The following L3MBTL4 variants were observed in gnomAD, a reference collection of about 807,000 sequenced individuals.
L3MBTL4 encodes lethal(3)malignant brain tumor-like protein 4.
In L3MBTL4, 70 loss-of-function variants were observed where a neutral mutation model predicts 84.5. The ratio of observed to expected loss-of-function variants is 0.83; its 90% CI spans 0.68 to 1.01. The LOEUF (loss-of-function observed/expected upper bound fraction) is 1.01, where lower values mean the gene tolerates loss of function less well. Among genes scored for constraint, L3MBTL4 ranks in the 50% least tolerant of loss-of-function variants. The pLI is 0.00. For missense variants in L3MBTL4, 715 were observed against 754.8 expected (o/e 0.95, Z 0.62); for synonymous variants, 274 against 259.8 (o/e 1.05, Z -0.52).
chr18:6,323,282 G>A (rs1205849462), intron 1 of L3MBTL4, among the ~76,000 whole-genome samples: 1 of 152,196 alleles, frequency 6.6e-6, no homozygotes, highest in African/African-American at 2.4e-5. Context: ...CATTGCTATA[G>A]AGATACCTGA....
intron 16 of L3MBTL4, among the ~76,000 whole-genome samples, chr18:6,056,229 C>G (rs16949344): frequency 0.01 from 1,584 of 152,200 alleles, 29 homozygotes; most frequent in African/African-American, 0.035. Context: ...ATTAAACAAA[C>G]AAGCATGTCA....
intron 16 of L3MBTL4, among the ~76,000 whole-genome samples, chr18:6,022,546 C>A (rs1270963567): frequency 6.6e-6 from 1 of 152,222 alleles, no homozygotes; most frequent in Non-Finnish European, 1.5e-5. Flanking sequence ...TAGCACTGCT[C>A]AAAAGGTCTT....
At chr18:5,986,443 T>A (rs1235965301) in intron 16 of L3MBTL4, among the ~76,000 whole-genome samples, 1 of 152,236 alleles carries the variant, frequency 6.6e-6, no homozygotes, top group East Asian at 1.9e-4. Flanking sequence ...AAGTTTATAC[T>A]TCAGTGTTTG....
intron 13 of L3MBTL4, among the ~76,000 whole-genome samples, chr18:6,150,531 T>C (rs1349972510): frequency 6.6e-6 from 1 of 152,162 alleles, no homozygotes; most frequent in Non-Finnish European, 1.5e-5. Flanking sequence ...ACTCTACAAT[T>C]AATGACATTT....
At chr18:6,131,975 G>A (rs1226438001) in intron 14 of L3MBTL4, among the ~76,000 whole-genome samples, 2 of 152,022 alleles carry the variant, frequency 1.3e-5, no homozygotes, top group African/African-American at 4.8e-5. Flanking sequence ...TTGATTAACT[G>A]GGTAAAAAAC....
intron 12 of L3MBTL4, among the ~76,000 whole-genome samples, chr18:6,173,476 C>G (rs1016027273): frequency 2.0e-5 from 3 of 151,982 alleles, no homozygotes; most frequent in Non-Finnish European, 2.9e-5. Flanking sequence ...AAAGACAGAA[C>G]TACAAAAAAG....
chr18:6,096,555 T>G (rs749928300), intron 14 of L3MBTL4, among the ~76,000 whole-genome samples: 9 of 152,202 alleles, frequency 5.9e-5, no homozygotes, highest in Non-Finnish European at 1.2e-4. Context: ...AACTTTTGCC[T>G]GCCTTCTTGC....
intron 1 of L3MBTL4, among the ~76,000 whole-genome samples, chr18:6,376,375 A>T (rs1203824005): frequency 3.3e-5 from 5 of 152,246 alleles, no homozygotes; most frequent in Non-Finnish European, 7.3e-5. Flanking sequence ...TAAACACTTG[A>T]TGAAATTACA....
At chr18:6,180,651 C>T (rs1568268217) in intron 12 of L3MBTL4, among the ~76,000 whole-genome samples, 1 of 152,174 alleles carries the variant, frequency 6.6e-6, no homozygotes, top group Admixed American at 6.5e-5. Context: ...ATTTGTAAGG[C>T]CACTGCCCAA....
At chr18:6,276,466 C>T (rs892614434) in intron 4 of L3MBTL4, among the ~76,000 whole-genome samples, 18 of 152,148 alleles carry the variant, frequency 1.2e-4, no homozygotes, top group Non-Finnish European at 1.9e-4. Context: ...AGTGGAGGAA[C>T]TAGATAACTA....
intron 5 of L3MBTL4, chr18:6,260,721 T>C (rs2048362036): frequency 6.6e-6 from 1 of 152,254 alleles, no homozygotes; most frequent in Non-Finnish European, 1.5e-5. Flanking sequence ...GAATTAAGTT[T>C]TATTTTCAAC....
chr18:6,161,884 C>A (rs1369859765), intron 13 of L3MBTL4, among the ~76,000 whole-genome samples: 8 of 151,514 alleles, frequency 5.3e-5, no homozygotes, highest in African/African-American at 1.5e-4. Flanking sequence ...TCCCTTCAGA[C>A]ACAAATTGGA....
chr18:6,134,534 A>G (rs998251620), intron 14 of L3MBTL4, among the ~76,000 whole-genome samples: 3 of 152,226 alleles, frequency 2.0e-5, no homozygotes, highest in Admixed American at 2.0e-4. Context: ...CAATGGGGGT[A>G]CAGGTACTGG....
At chr18:5,994,548 T>C (rs2053860839) in intron 16 of L3MBTL4, among the ~76,000 whole-genome samples, 1 of 152,076 alleles carries the variant, frequency 6.6e-6, no homozygotes, top group African/African-American at 2.4e-5. Flanking sequence ...TTGCCCACAG[T>C]TGCAAAGTTA....
At chr18:5,982,468 G>A (rs553951422) in intron 16 of L3MBTL4, among the ~76,000 whole-genome samples, 1 of 152,274 alleles carries the variant, frequency 6.6e-6, no homozygotes, top group African/African-American at 2.4e-5. Context: ...TCTGTCACAT[G>A]AAATTCACAC....
chr18:6,386,605 A>G (rs1036521344), intron 1 of L3MBTL4, among the ~76,000 whole-genome samples: 2 of 152,162 alleles, frequency 1.3e-5, no homozygotes, highest in African/African-American at 2.4e-5. Context: ...GGCCTCTACC[A>G]CAGGCGGATC....
intron 16 of L3MBTL4, among the ~76,000 whole-genome samples, chr18:5,971,079 A>T (rs1032911345): frequency 2.6e-5 from 4 of 152,248 alleles, no homozygotes; most frequent in Admixed American, 1.3e-4. Flanking sequence ...CCTTTTTAGT[A>T]TGTAAATAGG....
At chr18:6,247,574 G>A (rs921386185) in intron 5 of L3MBTL4, among the ~76,000 whole-genome samples, 1 of 145,472 alleles carries the variant, frequency 6.9e-6, no homozygotes, top group Admixed American at 6.9e-5. Context: ...CGGCTCCCAG[G>A]TTCAAGCGAT....
intron 16 of L3MBTL4, among the ~76,000 whole-genome samples, chr18:5,999,300 A>T (rs2054116233): frequency 6.6e-6 from 1 of 152,174 alleles, no homozygotes; most frequent in Admixed American, 6.5e-5. Context: ...AAAATGTCTG[A>T]TTCCCACAAA....
Sources: allele counts gnomAD v4.1 joint callset (sites outside exome capture counted in the v4.1 genomes callset), GRCh38; gene constraint gnomAD v4.1.1; transcripts MANE v1.5; gene names NCBI Gene and HGNC (gene_info 2026-07-23, HGNC 2026-07-21).